Variants in DPY19L1 observed in about 807,000 individuals in gnomAD.
DPY19L1 encodes the protein protein C-mannosyl-transferase DPY19L1.
DPY19L1 carries 35 observed loss-of-function variants against 96.9 expected under a neutral mutation model. The ratio of observed to expected loss-of-function variants is 0.36; its 90% confidence interval spans 0.28 to 0.48. The LOEUF (loss-of-function observed/expected upper bound fraction) is 0.48, where lower values mean the gene tolerates loss of function less well. Ranked by LOEUF, DPY19L1 falls within the 20% of genes least tolerant of loss-of-function variation. The probability of loss-of-function intolerance (pLI) is 0.99; values close to 1 mark genes in which losing one functional copy is unlikely to be tolerated. For missense variants in DPY19L1, 521 were observed against 777.9 expected (o/e 0.67, Z 3.93); for synonymous variants, 205 against 252.6 (o/e 0.81, Z 1.79).
chr7:34,958,192 A>C, intron 10 of DPY19L1, 122 bp from the exon 11 acceptor site: 2 of 572,150 alleles, frequency 3.5e-6, no homozygotes, highest in Non-Finnish European at 2.9e-6. Context: ...AGGGACTATA[A>C]AACAGCCCAT....
chr7:35,028,782 A>G (rs895201588), intron 1 of DPY19L1, among the ~76,000 whole-genome samples: 1 of 152,150 alleles, frequency 6.6e-6, no homozygotes, highest in African/African-American at 2.4e-5. Context: ...CAAGGGGTGG[A>G]TTATTCATGA....
At chr7:34,961,207 G>A (rs1486164407) in intron 10 of DPY19L1, among the ~76,000 whole-genome samples, 2 of 152,140 alleles carry the variant, frequency 1.3e-5, no homozygotes, top group Non-Finnish European at 2.9e-5. Flanking sequence ...TACCAAAGAA[G>A]AGCAAAGTCA....
At chr7:34,962,620 C>T (rs1238283885) in intron 10 of DPY19L1, among the ~76,000 whole-genome samples, 2 of 151,562 alleles carry the variant, frequency 1.3e-5, no homozygotes, top group African/African-American at 4.8e-5. Flanking sequence ...TCCCTTGAGC[C>T]CAGGAGGTCA....
intron 15 of DPY19L1, among the ~76,000 whole-genome samples, chr7:34,947,423 T>C (rs1784172040): frequency 6.6e-6 from 1 of 152,216 alleles, no homozygotes; most frequent in African/African-American, 2.4e-5. Context: ...GCCATCCTTT[T>C]CTGATGTCTG....
chr7:35,015,234 G>T (rs1478391025), intron 3 of DPY19L1, among the ~76,000 whole-genome samples: 1 of 152,100 alleles, frequency 6.6e-6, no homozygotes. Flanking sequence ...ATGAAAGAAA[G>T]GAATTAACTA....
chr7:34,979,693 C>T (rs1043098857), intron 7 of DPY19L1, among the ~76,000 whole-genome samples: 5 of 151,898 alleles, frequency 3.3e-5, no homozygotes, highest in African/African-American at 1.2e-4. Flanking sequence ...ATCAAAAGGG[C>T]AGAAAATAGT....
intron 6 of DPY19L1, among the ~76,000 whole-genome samples, chr7:34,993,530 C>T (rs545647725): frequency 6.6e-6 from 1 of 152,054 alleles, no homozygotes; most frequent in South Asian, 2.1e-4. Flanking sequence ...CCCCCAACTA[C>T]TCTTATTTTT....
At chr7:34,996,193 A>G (rs1312990392) in intron 6 of DPY19L1, among the ~76,000 whole-genome samples, 1 of 152,250 alleles carries the variant, frequency 6.6e-6, no homozygotes, top group Non-Finnish European at 1.5e-5. Context: ...CTGAAAATAG[A>G]ACTATTCAAT....
intron 11 of DPY19L1, among the ~76,000 whole-genome samples, chr7:34,957,169 G>T (rs1784396469): frequency 6.6e-6 from 1 of 151,090 alleles, no homozygotes; most frequent in Non-Finnish European, 1.5e-5. Flanking sequence ...GATCACCTGA[G>T]GTCAGGAGTT....
intron 6 of DPY19L1, among the ~76,000 whole-genome samples, chr7:34,992,543 C>CTTTTTTT: frequency 7.5e-6 from 1 of 133,844 alleles, no homozygotes; most frequent in Non-Finnish European, 1.6e-5. Context: ...ACCTTCCTGC[C>CTTTTTTT]TTTTTTTTTT....
intron 10 of DPY19L1, among the ~76,000 whole-genome samples, chr7:34,964,714 G>C (rs1431220135): frequency 2.0e-5 from 3 of 152,104 alleles, no homozygotes; most frequent in Non-Finnish European, 4.4e-5. Flanking sequence ...AGCATGATGA[G>C]GACATGTTAA....
intron 17 of DPY19L1, among the ~76,000 whole-genome samples, 199 bp downstream of exon 17, chr7:34,942,416 C>T (rs954727597): frequency 2.0e-5 from 3 of 152,220 alleles, no homozygotes; most frequent in Non-Finnish European, 4.4e-5. Context: ...CAGAGCAGAA[C>T]ATATGAGTTT....
chr7:34,974,719 C>T (rs537778866), intron 7 of DPY19L1, among the ~76,000 whole-genome samples: 2 of 152,226 alleles, frequency 1.3e-5, no homozygotes, highest in African/African-American at 4.8e-5. Flanking sequence ...CATTTCATTG[C>T]CCTTTACCAT....
At chr7:35,021,363 G>A (rs570673946) in intron 1 of DPY19L1, among the ~76,000 whole-genome samples, 1 of 152,322 alleles carries the variant, frequency 6.6e-6, no homozygotes, top group South Asian at 2.1e-4. Flanking sequence ...GGAGGTGCAA[G>A]AGGCCTCTGG....
chr7:34,938,109 T>C lies in DPY19L1; in HGVS notation c.1975A>G (p.Lys659Glu). The change falls in exon 21 of 22, where the codon AAA becomes GAA. Residue 659 changes from lysine (K) to glutamate (E), a missense_variant. Physicochemically the swap from Lys to Glu is moderately conservative, Grantham distance 56. Transcript: ENST00000638088. Reference sequence around the variant, plus strand: ...CGACTATACATTGAGTATACTATTTTTGTTCTGGCTCTTTAAAGAAAAATA... The same window carrying C: ...CGACTATACATTGAGTATACTATTTCTGTTCTGGCTCTTTAAAGAAAAATA... ...YEDAGLRART[K>E]IVYSMYSRKA... is the part of the protein sequence containing the mutation. 1 of 1,612,590 alleles carries C rather than the reference T, an allele frequency of 6.2e-7. No individual in the cohort carries two copies. The highest frequency in any genetic ancestry group is 8.5e-7 in the Non-Finnish European group (1 of 1,179,672).
intron 16 of DPY19L1, among the ~76,000 whole-genome samples, chr7:34,944,174 C>T (rs916532249): frequency 2.6e-5 from 4 of 151,744 alleles, no homozygotes; most frequent in East Asian, 1.9e-4. Flanking sequence ...ACCAGCCTGG[C>T]CAATATGGTG....
chr7:35,006,654 T>G (rs929646946), intron 6 of DPY19L1, among the ~76,000 whole-genome samples: 2 of 152,122 alleles, frequency 1.3e-5, no homozygotes, highest in Non-Finnish European at 2.9e-5. Context: ...AAAAAAATAC[T>G]AAAATACTGA....
At chr7:34,975,639 T>C (rs141283370) in intron 7 of DPY19L1, among the ~76,000 whole-genome samples, 1,952 of 152,318 alleles carry the variant, frequency 0.013, 11 homozygotes, top group Middle Eastern at 0.02. Context: ...AAAGATGCCA[T>C]CTAGGACTTT....
intron 1 of DPY19L1, among the ~76,000 whole-genome samples, chr7:35,033,592 T>G (rs1161851053): frequency 6.6e-6 from 1 of 152,044 alleles, no homozygotes; most frequent in Non-Finnish European, 1.5e-5. Flanking sequence ...ATTAAAGGAG[T>G]GTAGAACAGC....
Sources: gnomAD v4.1 joint callset for allele counts (sites outside exome capture counted in the v4.1 genomes callset) on GRCh38, gnomAD v4.1.1 for gene constraint, MANE v1.5 for transcripts, NCBI Gene and HGNC (gene_info 2026-07-23, HGNC 2026-07-21) for gene names.